The following KLHL9 variants were observed in gnomAD, a reference collection of about 807,000 sequenced individuals.
KLHL9 encodes kelch-like protein 9.
A neutral mutation model predicts 42.3 loss-of-function variants in KLHL9; 27 were observed. The observed-to-expected ratio is 0.64, with a 90% CI of 0.47 to 0.88. The LOEUF (loss-of-function observed/expected upper bound fraction) is 0.88, where lower values mean the gene tolerates loss of function less well. Among genes scored for constraint, KLHL9 ranks in the 40% least tolerant of loss-of-function variants. KLHL9 has a pLI of 0.00. For synonymous variants in KLHL9, 274 were observed against 254.4 expected, an observed-to-expected ratio of 1.08 and a Z score of -0.73; for missense variants, 629 against 750.3, an observed-to-expected ratio of 0.84 and a Z score of 1.89.
rs1820189238 is a variant in KLHL9, at chr9:21,332,445, T to G, written c.*561A>C. The G allele has an allele frequency of 6.5e-6, 1 of 154,978 alleles. No individual in the cohort carries two copies. The highest frequency in any genetic ancestry group is 2.4e-5 in the African/African-American group (1 of 41,460). 9.6% of individuals were successfully genotyped at this position (154,978 alleles called of 1,614,324 possible). On this transcript the variant is annotated 3_prime_UTR_variant, in exon 1 of 1. Transcript: ENST00000359039. ...TGTGTATTTTTTCCTCCTCTCTCCCTCTCTTGCTCGCTCTAGAGAGAGATA... is the reference window on the plus strand; with the variant it reads ...TGTGTATTTTTTCCTCCTCTCTCCCGCTCTTGCTCGCTCTAGAGAGAGATA...
rs1370826180 is a variant in KLHL9, at chr9:21,330,398, A to G, written c.*2608T>C. 2 of 152,146 alleles carry G rather than the reference A, an allele frequency of 1.3e-5. No individual in the cohort carries two copies. The highest frequency in any genetic ancestry group is 4.8e-5 in the African/African-American group (2 of 41,446). 9.4% of individuals were successfully genotyped at this position (152,146 alleles called of 1,614,324 possible). On this transcript the variant is annotated 3_prime_UTR_variant, in exon 1 of 1. Transcript: ENST00000359039. ...TCAAAAAGTTTTAAATTTTGGAGCAATTTGGATTTTTGGATTAGGGCTGCT... is the reference window on the plus strand; with the variant it reads ...TCAAAAAGTTTTAAATTTTGGAGCAGTTTGGATTTTTGGATTAGGGCTGCT...
chr9:21,329,861 AAT>A lies in KLHL9; in HGVS notation c.*3143_*3144del, dbSNP rs1397719971. ...GCTTTTATTTTCCTGTACGTTCTAT[AAT>A]AGACATATCAAAAAAGCTAACAAAT... On this transcript the variant is annotated 3_prime_UTR_variant, in exon 1 of 1. Transcript: ENST00000359039. 6.6e-6 allele frequency: 1 copy of A among 151,930 alleles called. No individual in the cohort carries two copies. Among genetic ancestry groups the A allele is most frequent in the African/African-American group, 2.4e-5 (1 of 41,388 alleles). 9.4% of individuals were successfully genotyped at this position (151,930 alleles called of 1,614,324 possible).
rs1003004477 is a variant in KLHL9 at position 21,333,299 on chromosome 9, T to C, written c.1561A>G (p.Thr521Ala). The C allele has an allele frequency of 6.2e-7, 1 of 1,614,118 alleles. No homozygotes were observed. The highest frequency in any genetic ancestry group is 1.3e-5 in the African/African-American group (1 of 74,938). ...DVLSCEYYSP[T>A]LDQWTPIAAM... ...GCAATTGGGGTCCACTGGTCAAGGGTTGGTGAATAGTATTCACAGCTTAGA... is the reference window on the plus strand; with the variant it reads ...GCAATTGGGGTCCACTGGTCAAGGGCTGGTGAATAGTATTCACAGCTTAGA... The change falls in exon 1 of 1, where the codon ACC becomes GCC. Residue 521 changes from threonine to alanine, a missense_variant. Thr to Ala is a moderately conservative substitution (Grantham distance 58). Transcript: ENST00000359039. The surrounding 1 kb of genome is among the most constrained non-coding windows in gnomAD (Gnocchi z 7.5).
Position 21,334,303 on chromosome 9 carries a change from C to A in KLHL9, c.557G>T (p.Ser186Ile). The A allele has an allele frequency of 6.2e-7, 1 of 1,614,054 alleles. No individual in the cohort carries two copies. Among genetic ancestry groups the A allele is most frequent in the Non-Finnish European group, 8.5e-7 (1 of 1,179,932 alleles). The change falls in exon 1 of 1, where the codon AGT (serine) becomes ATT (isoleucine). Residue 186 changes from serine to isoleucine, a missense_variant. This residue lies in a region of KLHL9 where 351 missense variants were observed against 363.1 expected (regional missense o/e 0.97). Transcript: ENST00000359039. This position sits in a 1 kb window ranked among gnomAD's most constrained non-coding sequence, Gnocchi z 5.1. ...FILKNFPALL[S>I]TGEFLKLPFE... Reference sequence around the variant, plus strand: ...AGGGAGTTTTAGAAACTCCCCAGTACTCAATAAAGCAGGAAAGTTCTTCAG... The same window carrying A: ...AGGGAGTTTTAGAAACTCCCCAGTAATCAATAAAGCAGGAAAGTTCTTCAG...
In KLHL9 at chr9:21,335,367, G is replaced by A. The variant is rs771347014; in HGVS notation, c.-508C>T. On this transcript the variant is annotated 5_prime_UTR_variant, in exon 1 of 1. Transcript: ENST00000359039. ...AGAATACCGGCCTAGCCCCAACACC[G>A]AGCCGCTCCTTCCGGAAAAGCCTAG... 4.8e-6 allele frequency: 2 copies of A among 413,896 alleles called. No homozygotes were observed. Among genetic ancestry groups the A allele is most frequent in the Admixed American group, 4.4e-5 (1 of 22,952 alleles). The allele number at this position is 413,896 out of a possible 1,614,324, so 25.6% of individuals were successfully genotyped here.
At position 21,333,188 on chromosome 9, in the gene KLHL9, G is replaced by A. The variant is rs1350756494; in HGVS notation, c.1672C>T (p.Arg558Cys). The A allele has an allele frequency of 1.2e-6, 2 of 1,613,830 alleles. No homozygotes were observed. Among genetic ancestry groups the A allele is most frequent in the Non-Finnish European group, 1.7e-6 (2 of 1,179,940 alleles). The change falls in exon 1 of 1, where the codon CGT becomes TGT. Residue 558 changes from arginine to cysteine, a missense_variant. Arg to Cys is a radical substitution (Grantham distance 180). Around this residue, in one of 4 missense-constraint regions of KLHL9, gnomAD observed 3 missense variants for 17.9 expected, o/e 0.17. Transcript: ENST00000359039. This position sits in a 1 kb window ranked among gnomAD's most constrained non-coding sequence, Gnocchi z 7.5. ...TTCTGGACAATTTCTACCATACAAC[G>A]ATTATTCCAAGAATATCCACCAACA... Reference protein sequence around the residue: ...YVVGGYSWNNRCMVEIVQKYD... With the variant: ...YVVGGYSWNNCCMVEIVQKYD...
rs41270133 is a variant in KLHL9, at chr9:21,333,255, T to C, written c.1605A>G (p.Gln535=). The C allele has an allele frequency of 0.038, 61,534 of 1,614,092 alleles. 1,393 individuals carry two copies. The highest frequency in any genetic ancestry group is 0.064 in the Middle Eastern group (389 of 6,060). The change falls in exon 1 of 1, where the codon CAA becomes CAG. Residue 535 remains glutamine, a synonymous_variant. Transcript: ENST00000359039. The surrounding 1 kb of genome is among the most constrained non-coding windows in gnomAD (Gnocchi z 7.5). ...WTPIAAMLRG[Q]SDVGVAVFEN... is the part of the protein sequence containing the mutation. ...CAAAGACGGCAACTCCAACATCACT[T>C]TGGCCTCTTAACATGGCGGCAATTG...
Position 21,333,767 on chromosome 9 carries a change from C to A in KLHL9, c.1093G>T (p.Ala365Ser), listed in dbSNP as rs1820214987. 3 of 1,614,100 alleles carry A rather than the reference C, an allele frequency of 1.9e-6. No individual in the cohort carries two copies. Among genetic ancestry groups the A allele is most frequent in the Non-Finnish European group, 2.5e-6 (3 of 1,180,002 alleles). Residue 365 changes from alanine (A) to serine (S), a missense_variant, in exon 1 of 1, where the codon GCT becomes TCT. Ala to Ser is a moderately conservative substitution (Grantham distance 99, BLOSUM62 1). This residue lies in a region of KLHL9 where 214 missense variants were observed against 305.8 expected (regional missense o/e 0.70). Transcript: ENST00000359039. The surrounding 1 kb of genome is among the most constrained non-coding windows in gnomAD (Gnocchi z 7.5). ...QSNYDTKGKTAVDTVFRFDPR... is the reference protein window; with the variant it reads ...QSNYDTKGKTSVDTVFRFDPR... ...TCAAATCTGAAAACTGTATCAACAG[C>A]AGTTTTTCCTTTTGTATCATAATTA...
At position 21,330,354 on chromosome 9, in the gene KLHL9, T is replaced by C. The variant is rs181320411; in HGVS notation, c.*2652A>G. The C allele has an allele frequency of 7.2e-5, 11 of 152,380 alleles. No homozygotes were observed. In the East Asian group the frequency reaches 2.1e-3, roughly 29 times the overall value. The allele number at this position is 152,380 out of a possible 1,614,324, so 9.4% of individuals were successfully genotyped here. On this transcript the variant is annotated 3_prime_UTR_variant, in exon 1 of 1. Transcript: ENST00000359039. The stretch of plus-strand genomic sequence containing the variant: ...GAGCTCTGGTGTGGAATTTTCTACT[T>C]GTGGCATCCTGTTGGCCCTCAAAAA...
At position 21,335,057 on chromosome 9, in the gene KLHL9, G is replaced by A. The variant is rs1820245602; in HGVS notation, c.-198C>T. On this transcript the variant is annotated 5_prime_UTR_variant, in exon 1 of 1. Transcript: ENST00000359039. ...CCCTGTAGCAGGACCACAAAGGGCT[G>A]TGGACCTCAAATCTGATTATTAGAC... The A allele has an allele frequency of 1.5e-6, 1 of 666,518 alleles. No individual in the cohort carries two copies. The allele number at this position is 666,518 out of a possible 1,614,324, so 41.3% of individuals were successfully genotyped here.
In KLHL9 at chr9:21,329,903, AC is replaced by A. The variant is rs1820141305; in HGVS notation, c.*3102del. 1 of 152,144 alleles carries A rather than the reference AC, an allele frequency of 6.6e-6. No individual in the cohort carries two copies. Among genetic ancestry groups the A allele is most frequent in the African/African-American group, 2.4e-5 (1 of 41,450 alleles). The allele number at this position is 152,144 out of a possible 1,614,324, so 9.4% of individuals were successfully genotyped here. Reference sequence around the variant, plus strand: ...AGCTAACAAATGTTAATTTTTGAATACTTTCCGAAAAACTAAAACAAGAAAT... The same window carrying A: ...AGCTAACAAATGTTAATTTTTGAATATTTCCGAAAAACTAAAACAAGAAAT... On this transcript the variant is annotated 3_prime_UTR_variant, in exon 1 of 1. Transcript: ENST00000359039.
At position 21,331,711 on chromosome 9, in the gene KLHL9, C is replaced by G. The variant is rs1207147715; in HGVS notation, c.*1295G>C. On this transcript the variant is annotated 3_prime_UTR_variant, in exon 1 of 1. Coordinates refer to ENST00000359039, the MANE Select transcript of KLHL9 (RefSeq NM_018847.4). The stretch of plus-strand genomic sequence containing the variant: ...AGGCTGAGGGTTGATTTTAGTACTG[C>G]TTGTAAGACCATAGTGTTCCAGAGG... 6.6e-6 allele frequency: 1 copy of G among 152,366 alleles called. No homozygotes were observed. 9.4% of individuals were successfully genotyped at this position (152,366 alleles called of 1,614,324 possible). A position where few individuals can be genotyped will look rare whatever the true frequency, so the allele number is the denominator to read the frequency against.
In KLHL9 at chr9:21,333,543, A is replaced by G; in HGVS notation, c.1317T>C (p.His439=). The G allele has an allele frequency of 6.2e-7, 1 of 1,614,212 alleles. No homozygotes were observed. The highest frequency in any genetic ancestry group is 8.5e-7 in the Non-Finnish European group (1 of 1,180,042). ...VAKMSEPHYG[H]AGTVYGGLMY... ...TTAAGCCTCCATATACTGTTCCAGC[A>G]TGACCATAGTGGGGTTCACTCATTT... The change falls in exon 1 of 1, where the codon CAT becomes CAC. Residue 439 remains histidine, a synonymous_variant. Transcript: ENST00000359039. The surrounding 1 kb of genome is among the most constrained non-coding windows in gnomAD (Gnocchi z 7.5).
In KLHL9 at chr9:21,334,233, G is replaced by A. The variant is rs558639136; in HGVS notation, c.627C>T (p.His209=). ...AFVLSSNSLK[H]CTELELFKAA... is the part of the protein sequence containing the mutation. The stretch of plus-strand genomic sequence containing the variant: ...CCTTAAAGAGTTCAAGTTCGGTACA[G>A]TGCTTAAGACTATTACTGGAAAGCA... Residue 209 remains histidine, a synonymous_variant, in exon 1 of 1, where the codon CAC becomes CAT. Coordinates refer to ENST00000359039, the MANE Select transcript of KLHL9 (RefSeq NM_018847.4). This position sits in a 1 kb window ranked among gnomAD's most constrained non-coding sequence, Gnocchi z 5.1. 2.5e-6 allele frequency: 4 copies of A among 1,614,160 alleles called. No homozygotes were observed. The South Asian group carries it at 4.4e-5, about 18-fold the overall frequency.
Position 21,335,388 on chromosome 9 carries a change from C to A in KLHL9, c.-529G>T, listed in dbSNP as rs147519614. On this transcript the variant is annotated 5_prime_UTR_variant, in exon 1 of 1. Transcript: ENST00000359039. The stretch of plus-strand genomic sequence containing the variant: ...CACCGAGCCGCTCCTTCCGGAAAAG[C>A]CTAGTCCCAGGATACCACGGGGTGG... 1.7e-3 allele frequency: 700 copies of A among 408,564 alleles called. 9 individuals carry two copies. In the East Asian group the frequency reaches 0.025, roughly 14 times the overall value. The allele number at this position is 408,564 out of a possible 1,614,324, so 25.3% of individuals were successfully genotyped here.
In KLHL9 at chr9:21,334,936, T is replaced by C. The variant is rs1563855378; in HGVS notation, c.-77A>G. 6.3e-7 allele frequency: 1 copy of C among 1,584,362 alleles called. No individual in the cohort carries two copies. The highest frequency in any genetic ancestry group is 8.6e-7 in the Non-Finnish European group (1 of 1,167,678). On this transcript the variant is annotated 5_prime_UTR_variant, in exon 1 of 1. Coordinates refer to ENST00000359039, the MANE Select transcript of KLHL9 (RefSeq NM_018847.4). This position sits in a 1 kb window ranked among gnomAD's most constrained non-coding sequence, Gnocchi z 5.1. ...CCGGAATGTTTTACAGGTAACGAGG[T>C]GTCCAGAAAGAACAGAAAGCTCGTT... is the stretch of plus-strand genomic sequence containing the variant.
Position 21,329,795 on chromosome 9 carries a change from G to T in KLHL9, c.*3211C>A, listed in dbSNP as rs943678286. On this transcript the variant is annotated 3_prime_UTR_variant, in exon 1 of 1. Coordinates refer to ENST00000359039, the MANE Select transcript of KLHL9 (RefSeq NM_018847.4). ...ATATATATATAATATACTATTAATA[G>T]AAATTATCTTCAACATGTGGAATCA... is the stretch of plus-strand genomic sequence containing the variant. The T allele has an allele frequency of 1.3e-5, 2 of 150,036 alleles. No homozygotes were observed. Among genetic ancestry groups the T allele is most frequent in the Non-Finnish European group, 3.0e-5 (2 of 67,626 alleles). 9.3% of individuals were successfully genotyped at this position (150,036 alleles called of 1,614,324 possible). A position where few individuals can be genotyped will look rare whatever the true frequency, so the allele number is the denominator to read the frequency against.
chr9:21,333,295 AG>A lies in KLHL9; in HGVS notation c.1564del (p.Asp523ThrfsTer10). On this transcript the variant is annotated frameshift_variant, in exon 1 of 1. Coordinates refer to ENST00000359039, the MANE Select transcript of KLHL9 (RefSeq NM_018847.4). LOFTEE classifies it high-confidence loss of function. The surrounding 1 kb of genome is among the most constrained non-coding windows in gnomAD (Gnocchi z 7.5). ...VLSCEYYSPT[L>X]DQWTPIAAML... ...GGCGGCAATTGGGGTCCACTGGTCAAGGGTTGGTGAATAGTATTCACAGCTT... is the reference window on the plus strand; with the variant it reads ...GGCGGCAATTGGGGTCCACTGGTCAAGGTTGGTGAATAGTATTCACAGCTT... 1.2e-6 allele frequency: 2 copies of A among 1,614,242 alleles called. No individual in the cohort carries two copies. The highest frequency in any genetic ancestry group is 1.7e-6 in the Non-Finnish European group (2 of 1,180,038).
chr9:21,334,632 A>C lies in KLHL9; in HGVS notation c.228T>G (p.Tyr76Ter). Reference protein sequence around the residue: ...HRAMMASASDYFKAMFTGGMK... With the variant: ...HRAMMASASD ...TTCCACCTGTGAACATGGCTTTGAA[A>C]TAATCACTAGCAGACGCCATCATAG... The change falls in exon 1 of 1, where the codon TAT becomes TAG. Residue 76 changes from tyrosine (Y) to a stop codon, truncating the protein, a stop_gained. Coordinates refer to ENST00000359039, the MANE Select transcript of KLHL9 (RefSeq NM_018847.4). LOFTEE classifies it high-confidence loss of function. This position sits in a 1 kb window ranked among gnomAD's most constrained non-coding sequence, Gnocchi z 5.1. The C allele has an allele frequency of 6.2e-7, 1 of 1,614,204 alleles. No individual in the cohort carries two copies. The highest frequency in any genetic ancestry group is 8.5e-7 in the Non-Finnish European group (1 of 1,180,032).
Sources: allele counts gnomAD v4.1 joint callset, GRCh38; gene constraint gnomAD v4.1.1; regional missense constraint gnomAD v4.1.1; non-coding constraint Gnocchi (gnomAD v3.1); transcripts MANE v1.5; gene names NCBI Gene and HGNC (gene_info 2026-07-23, HGNC 2026-07-21).